DPYD: variants seen among roughly 807,000 people sequenced by gnomAD.
DPYD encodes dihydropyrimidine dehydrogenase.
In DPYD, 109 loss-of-function variants were observed where a neutral mutation model predicts 116.2. The ratio of observed to expected loss-of-function variants is 0.94; its 90% confidence interval spans 0.80 to 1.10. The LOEUF (loss-of-function observed/expected upper bound fraction) is 1.10, where lower values mean the gene tolerates loss of function less well. Ranked by LOEUF, DPYD falls within the 50% of genes least tolerant of loss-of-function variation. DPYD has a pLI of 0.00. For missense variants in DPYD, 1,302 were observed against 1,254.5 expected (o/e 1.04, Z -0.57); for synonymous variants, 440 against 432.0 (o/e 1.02, Z -0.23).
At chr1:97,738,143 G>T (rs1664066972) in intron 4 of DPYD, among the ~76,000 whole-genome samples, 1 of 152,120 alleles carries the variant, frequency 6.6e-6, no homozygotes, top group African/African-American at 2.4e-5. Flanking sequence ...GTTTAAAACA[G>T]CCATTTATTT....
intron 2 of DPYD, among the ~76,000 whole-genome samples, chr1:97,832,330 G>A (rs747672709): frequency 2.6e-4 from 39 of 152,056 alleles, no homozygotes; most frequent in Non-Finnish European, 4.7e-4. Context: ...TCGCGAGTCC[G>A]CTTCTAAAGA....
intron 16 of DPYD, among the ~76,000 whole-genome samples, chr1:97,323,254 T>A (rs12402535): frequency 0.94 from 92,562 of 98,132 alleles, 44,442 homozygotes; most frequent in East Asian, 0.99. Flanking sequence ...ATTTATATAC[T>A]TATATACATA....
intron 8 of DPYD, among the ~76,000 whole-genome samples, chr1:97,648,632 A>G (rs1658403845): frequency 6.6e-6 from 1 of 152,056 alleles, no homozygotes; most frequent in Non-Finnish European, 1.5e-5. Context: ...TTTATTCACT[A>G]TTGAAAGGTA....
chr1:97,712,510 T>G (rs1662346788), intron 5 of DPYD, among the ~76,000 whole-genome samples: 1 of 152,152 alleles, frequency 6.6e-6, no homozygotes, highest in Non-Finnish European at 1.5e-5. Flanking sequence ...TTCATTAGGA[T>G]AAAGTCAGGT....
chr1:97,564,754 T>G lies in DPYD; in HGVS notation c.1339+9006A>C, dbSNP rs1004624361. On this transcript the variant is annotated intron_variant, in intron 11 of 22. Transcript: ENST00000370192. Reference sequence around the variant, plus strand: ...GACTATTCTACTTAAGAAATATATCTTGATTCCAAATTTTCTCCTGTATTT... The same window carrying G: ...GACTATTCTACTTAAGAAATATATCGTGATTCCAAATTTTCTCCTGTATTT... Among the ~76,000 whole-genome samples the G allele has an allele frequency of 3.9e-5, 6 of 152,330 alleles. No homozygotes were observed. In the South Asian group the frequency reaches 8.3e-4, roughly 21 times the overall value.
rs562790128 is a variant in DPYD at position 97,851,044 on chromosome 1, C to A, written c.151-22848G>T. ...TGAGGGTAAAACAGAACTTTAGGAT[C>A]TTTCATAAGTTAAATATGTCATAAT... On this transcript the variant is annotated intron_variant, in intron 2 of 22. Coordinates refer to ENST00000370192, the MANE Select transcript of DPYD (RefSeq NM_000110.4). Among the ~76,000 whole-genome samples the A allele has an allele frequency of 3.3e-5, 5 of 151,964 alleles. No individual in the cohort carries two copies. The East Asian group carries it at 9.7e-4, about 29-fold the overall frequency.
intron 20 of DPYD, among the ~76,000 whole-genome samples, chr1:97,099,338 G>A (rs554717812): frequency 6.6e-6 from 1 of 152,134 alleles, no homozygotes; most frequent in East Asian, 1.9e-4. Flanking sequence ...TCACATCACG[G>A]AGCTTTAAAT....
chr1:97,257,347 A>G (rs1306443281), intron 18 of DPYD, among the ~76,000 whole-genome samples: 1 of 151,416 alleles, frequency 6.6e-6, no homozygotes, highest in Non-Finnish European at 1.5e-5. Context: ...TGAGACCTAT[A>G]TTTTTATAAG....
chr1:97,842,079 T>A (rs1165338490), intron 2 of DPYD, among the ~76,000 whole-genome samples: 1 of 151,916 alleles, frequency 6.6e-6, no homozygotes, highest in African/African-American at 2.4e-5. Context: ...GCTTCTTTTT[T>A]TACTATTAGT....
intron 19 of DPYD, 28 bp from the exon 20 acceptor site, chr1:97,193,276 T>C: frequency 1.2e-6 from 2 of 1,606,276 alleles, no homozygotes; most frequent in South Asian, 1.1e-5. Flanking sequence ...GTCAACCAAG[T>C]GTCAAACCAA....
At chr1:97,801,449 G>A (rs1036816587) in intron 3 of DPYD, among the ~76,000 whole-genome samples, 34 of 151,986 alleles carry the variant, frequency 2.2e-4, no homozygotes, top group African/African-American at 8.2e-4. Context: ...GCCCTGCCAC[G>A]AGCTTATATT....
chr1:97,585,239 T>G (rs1654012222), intron 10 of DPYD, among the ~76,000 whole-genome samples: 1 of 152,050 alleles, frequency 6.6e-6, no homozygotes, highest in Non-Finnish European at 1.5e-5. Context: ...GGAATAAGTA[T>G]AAAGTAATAA....
intron 3 of DPYD, among the ~76,000 whole-genome samples, chr1:97,776,851 A>T (rs2101188042): frequency 6.6e-6 from 1 of 152,284 alleles, no homozygotes; most frequent in Non-Finnish European, 1.5e-5. Context: ...TTTGATGTAT[A>T]CTTAGTGTAT....
intron 18 of DPYD, among the ~76,000 whole-genome samples, chr1:97,258,713 G>T (rs577974021): frequency 1.3e-5 from 2 of 152,268 alleles, no homozygotes; most frequent in South Asian, 2.1e-4. Flanking sequence ...TTACAGAAGT[G>T]AGAGGGCCTC....
chr1:97,696,746 T>G (rs1383154233), intron 6 of DPYD, among the ~76,000 whole-genome samples: 1 of 152,180 alleles, frequency 6.6e-6, no homozygotes, highest in Non-Finnish European at 1.5e-5. Context: ...CCGTTCTTTT[T>G]AAAGCACAAT....
chr1:97,512,545 G>A (rs1647883397), intron 13 of DPYD, among the ~76,000 whole-genome samples: 1 of 151,836 alleles, frequency 6.6e-6, no homozygotes, highest in African/African-American at 2.4e-5. Flanking sequence ...TATATAATAT[G>A]TAGCTCTCCA....
intron 2 of DPYD, among the ~76,000 whole-genome samples, chr1:97,836,388 A>C (rs1427111613): frequency 6.6e-6 from 1 of 152,164 alleles, no homozygotes; most frequent in Non-Finnish European, 1.5e-5. Context: ...ATCAAGTTTT[A>C]ATGTATGCTT....
At chr1:97,758,345 A>G (rs1665372933) in intron 3 of DPYD, among the ~76,000 whole-genome samples, 1 of 144,180 alleles carries the variant, frequency 6.9e-6, no homozygotes, top group Non-Finnish European at 1.5e-5. Context: ...CAAAAGTGTT[A>G]TCAGATTATG....
intron 19 of DPYD, among the ~76,000 whole-genome samples, chr1:97,201,324 C>T (rs1354203107): frequency 6.6e-6 from 1 of 152,056 alleles, no homozygotes; most frequent in Non-Finnish European, 1.5e-5. Flanking sequence ...TCCACACCTA[C>T]TGATTAAAAA....
Sources: gnomAD v4.1 joint callset for allele counts (sites outside exome capture counted in the v4.1 genomes callset) on GRCh38, gnomAD v4.1.1 for gene constraint, MANE v1.5 for transcripts, NCBI Gene and HGNC (gene_info 2026-07-23, HGNC 2026-07-21) for gene names.